Variants in PCLO observed in about 807,000 individuals in gnomAD.
The protein encoded by PCLO is piccolo presynaptic cytomatrix protein.
A neutral mutation model predicts 427.5 loss-of-function variants in PCLO; 82 were observed. The ratio of observed to expected loss-of-function variants is 0.19; its 90% CI spans 0.16 to 0.23. The LOEUF (loss-of-function observed/expected upper bound fraction) is 0.23, where lower values mean the gene tolerates loss of function less well. Among genes scored for constraint, PCLO ranks in the 10% least tolerant of loss-of-function variants. The pLI is 1.00. For missense variants in PCLO, 6,239 were observed against 6,115.9 expected, an observed-to-expected ratio of 1.02 and a Z score of -0.67; for synonymous variants, 2,357 against 2,155.4, an observed-to-expected ratio of 1.09 and a Z score of -2.59.
intron 6 of PCLO, among the ~76,000 whole-genome samples, chr7:82,930,950 A>G (rs1388394346): frequency 1.3e-5 from 2 of 152,180 alleles, no homozygotes; most frequent in Non-Finnish European, 2.9e-5. Flanking sequence ...ATGAAAAGTT[A>G]TATCTGGCTG....
chr7:83,126,020 T>C (rs971654228), intron 3 of PCLO, among the ~76,000 whole-genome samples: 1 of 152,198 alleles, frequency 6.6e-6, no homozygotes, highest in African/African-American at 2.4e-5. Context: ...ATGTGGTACA[T>C]ATATAGCATG....
chr7:82,758,598 C>T lies in PCLO; in HGVS notation c.15406G>A (p.Val5136Ile), dbSNP rs746264242. 6.2e-7 allele frequency: 1 copy of T among 1,611,526 alleles called. No homozygotes were observed. The highest frequency in any genetic ancestry group is 8.5e-7 in the Non-Finnish European group (1 of 1,178,422). ...CTTCAATGCGTTTGAGTAGGACTGA[C>T]CAAAAGTTTGTGCCAGTTGACTATT... ...KRIVNWHKLL[V>I]SPTQTH Residue 5136 changes from valine (V) to isoleucine (I), a missense_variant, in exon 25 of 25, where the codon GTC becomes ATC. By Grantham distance (29) the Val-to-Ile change is conservative. Coordinates refer to ENST00000333891, the MANE Select transcript of PCLO (RefSeq NM_033026.6).
chr7:82,777,370 C>T (rs1790776275), intron 22 of PCLO, among the ~76,000 whole-genome samples: 1 of 152,000 alleles, frequency 6.6e-6, no homozygotes, highest in African/African-American at 2.4e-5. Flanking sequence ...ATCAAAACAC[C>T]AATGATATTC....
chr7:82,946,098 C>A (rs954813038), intron 6 of PCLO, among the ~76,000 whole-genome samples: 1 of 151,994 alleles, frequency 6.6e-6, no homozygotes, highest in Non-Finnish European at 1.5e-5. Context: ...GTTTCAGATG[C>A]CTATATAAAA....
intron 5 of PCLO, 76 bp from the exon 6 acceptor site, chr7:82,951,566 T>C (rs1795349570): frequency 1.9e-6 from 2 of 1,026,462 alleles, no homozygotes; most frequent in African/African-American, 3.2e-5. Context: ...CCTCTCATCT[T>C]GATGAACATA....
At chr7:82,984,494 T>C (rs1796216645) in intron 3 of PCLO, among the ~76,000 whole-genome samples, 1 of 149,976 alleles carries the variant, frequency 6.7e-6, no homozygotes, top group African/African-American at 2.5e-5. Context: ...AAAATAAGCA[T>C]TGCGGTCAAG....
chr7:83,065,568 T>C (rs1789649372), intron 3 of PCLO, among the ~76,000 whole-genome samples: 2 of 151,064 alleles, frequency 1.3e-5, no homozygotes, highest in South Asian at 2.1e-4. Context: ...AAAAGAGAAC[T>C]GAACTTCTCT....
chr7:82,765,889 G>GC (rs767771586), intron 22 of PCLO, among the ~76,000 whole-genome samples: 1 of 151,490 alleles, frequency 6.6e-6, no homozygotes, highest in Non-Finnish European at 1.5e-5. Context: ...AGAGAAGTTA[G>GC]CGGGGGGAGA....
At chr7:82,808,207 T>C (rs1791496221) in intron 20 of PCLO, among the ~76,000 whole-genome samples, 1 of 151,906 alleles carries the variant, frequency 6.6e-6, no homozygotes, top group South Asian at 2.1e-4. Context: ...AATCACAATT[T>C]ACTATTTTCA....
chr7:83,158,743 G>A (rs1361631311), intron 1 of PCLO, among the ~76,000 whole-genome samples: 2 of 151,942 alleles, frequency 1.3e-5, no homozygotes, highest in African/African-American at 4.8e-5. Context: ...ACAAATATAA[G>A]TTGTACTTTA....
chr7:83,074,610 T>C (rs1482753229), intron 3 of PCLO, among the ~76,000 whole-genome samples: 1 of 152,164 alleles, frequency 6.6e-6, no homozygotes, highest in Non-Finnish European at 1.5e-5. Context: ...CAATGATTGA[T>C]GAATTTCTTT....
chr7:82,989,638 C>T (rs971826744), intron 3 of PCLO, among the ~76,000 whole-genome samples: 1 of 152,044 alleles, frequency 6.6e-6, no homozygotes, highest in African/African-American at 2.4e-5. Flanking sequence ...TATGATCTTA[C>T]ATCTACTAAT....
rs1297898218 is a variant in PCLO, at chr7:82,956,137, C to T, written c.4816G>A (p.Gly1606Arg). 1.4e-5 allele frequency: 22 copies of T among 1,608,716 alleles called. No individual in the cohort carries two copies. The highest frequency in any genetic ancestry group is 1.7e-5 in the Non-Finnish European group (20 of 1,179,846). The change falls in exon 5 of 25, where the codon GGG (glycine) becomes AGG (arginine). Residue 1606 changes from glycine (G) to arginine (R), a missense_variant. Around this residue, in one of 5 missense-constraint regions of PCLO, gnomAD observed 4,677 missense variants for 4,468.4 expected, o/e 1.05. Coordinates refer to ENST00000333891, the MANE Select transcript of PCLO (RefSeq NM_033026.6). ...ETKGKGKITA[G>R]KHRRLTRKSS... ...TTTCGAGTCAGTCGTCTGTGTTTCC[C>T]TGCTGTTATTTTGCCTTTTCCCTTT...
chr7:82,846,857 T>G (rs2115816973), intron 11 of PCLO, among the ~76,000 whole-genome samples: 1 of 152,270 alleles, frequency 6.6e-6, no homozygotes, highest in African/African-American at 2.4e-5. Context: ...CTTTATGAAT[T>G]AAATGTAAGT....
rs559914133 is a variant in PCLO at position 82,928,053 on chromosome 7, G to C, written c.11113-11180C>G. On this transcript the variant is annotated intron_variant, in intron 6 of 24. Transcript: ENST00000333891. ...TCACATGCATGGGCTAATTATTTCA[G>C]TTAGCATAATACTATTTCTTTGTGG... 4.6e-5 allele frequency among the ~76,000 whole-genome samples: 7 copies of C among 152,228 alleles called. 1 individual carries two copies. The highest frequency in any genetic ancestry group is 1.7e-4 in the African/African-American group (7 of 41,526).
At position 82,948,107 on chromosome 7, in the gene PCLO, A is replaced by G. The variant is rs1447052023; in HGVS notation, c.11112+1369T>C. ...CTATAAAAATATATACCTACACATT[A>G]TATAACTAACTTAAAAATCACTTTT... On this transcript the variant is annotated intron_variant, in intron 6 of 24. Coordinates refer to ENST00000333891, the MANE Select transcript of PCLO (RefSeq NM_033026.6). Among the ~76,000 whole-genome samples, 4 of 152,104 alleles carry G rather than the reference A, an allele frequency of 2.6e-5. No individual in the cohort carries two copies. In the South Asian group the frequency reaches 8.3e-4, roughly 31 times the overall value.
At chr7:82,892,756 G>T (rs1356272837) in intron 9 of PCLO, among the ~76,000 whole-genome samples, 1 of 151,996 alleles carries the variant, frequency 6.6e-6, no homozygotes, top group Admixed American at 6.6e-5. Context: ...ATCAACAAGT[G>T]GGGGAAGGAT....
chr7:82,874,953 T>C (rs1584085859), intron 10 of PCLO, among the ~76,000 whole-genome samples: 1 of 152,142 alleles, frequency 6.6e-6, no homozygotes, highest in East Asian at 1.9e-4. Flanking sequence ...TAATCCTAAA[T>C]CAAATAGCAA....
intron 9 of PCLO, among the ~76,000 whole-genome samples, chr7:82,889,624 G>A (rs575769639): frequency 6.6e-6 from 1 of 151,996 alleles, no homozygotes; most frequent in Non-Finnish European, 1.5e-5. Context: ...TTTTACTTCT[G>A]TAAATATATT....
Sources: allele counts gnomAD v4.1 joint callset (sites outside exome capture counted in the v4.1 genomes callset), GRCh38; gene constraint gnomAD v4.1.1; regional missense constraint gnomAD v4.1.1; transcripts MANE v1.5; gene names NCBI Gene and HGNC (gene_info 2026-07-23, HGNC 2026-07-21).